SPHKAP: variants seen among roughly 807,000 people sequenced by gnomAD.
SPHKAP encodes A-kinase anchor protein SPHKAP.
A neutral mutation model predicts 137.5 loss-of-function variants in SPHKAP; 67 were observed. The observed-to-expected ratio is 0.49, with a 90% CI of 0.40 to 0.60. The LOEUF (loss-of-function observed/expected upper bound fraction) is 0.60. Among genes scored for constraint, SPHKAP ranks in the 20% least tolerant of loss-of-function variants. SPHKAP has a pLI of 0.00. For missense variants in SPHKAP, 2,097 were observed against 2,069.3 expected, an observed-to-expected ratio of 1.01 and a Z score of -0.26; for synonymous variants, 813 against 785.3, an observed-to-expected ratio of 1.04 and a Z score of -0.59.
intron 3 of SPHKAP, among the ~76,000 whole-genome samples, chr2:228,032,683 C>A (rs1165698757): frequency 6.6e-6 from 1 of 152,192 alleles, no homozygotes; most frequent in Non-Finnish European, 1.5e-5. Flanking sequence ...GATCTCTTGG[C>A]AGAAACTCTA....
At chr2:228,046,431 G>A (rs1322953754) in intron 3 of SPHKAP, among the ~76,000 whole-genome samples, 1 of 151,238 alleles carries the variant, frequency 6.6e-6, no homozygotes, top group Admixed American at 6.6e-5. Context: ...TACGATGCAA[G>A]CAGTAGCTTA....
intron 3 of SPHKAP, among the ~76,000 whole-genome samples, chr2:228,107,543 A>C (rs924999314): frequency 6.6e-6 from 1 of 152,168 alleles, no homozygotes; most frequent in Non-Finnish European, 1.5e-5. Context: ...GACCCCCAAC[A>C]TATACTCTTT....
At chr2:228,109,007 C>CTT (rs11374866) in intron 2 of SPHKAP, 68 bp from the exon 3 acceptor site, 22,373 of 710,918 alleles carry the variant, frequency 0.031, 28 homozygotes, top group East Asian at 0.048. Context: ...AGCTCTCTCT[C>CTT]TTTTTTTTTT....
chr2:228,037,816 G>A (rs764424371), intron 3 of SPHKAP, among the ~76,000 whole-genome samples: 2 of 152,216 alleles, frequency 1.3e-5, no homozygotes, highest in Non-Finnish European at 1.5e-5. Flanking sequence ...TGGGGCCTAT[G>A]CACATTAACA....
At chr2:228,085,429 A>G (rs1242962652) in intron 3 of SPHKAP, among the ~76,000 whole-genome samples, 1 of 152,194 alleles carries the variant, frequency 6.6e-6, no homozygotes, top group Non-Finnish European at 1.5e-5. Flanking sequence ...GGCCAATGAC[A>G]TGATTATGTT....
rs550400092 is a variant in SPHKAP, at chr2:228,054,089, G to A, written c.247-26546C>T. Among the ~76,000 whole-genome samples the A allele has an allele frequency of 5.3e-5, 8 of 152,238 alleles. No homozygotes were observed. In the South Asian group the frequency reaches 8.3e-4, roughly 16 times the overall value. ...AAATGATTGTCTTGGCAGTGATGGGGAAAAAGAGTACAAAGGAAATCATTG... is the reference window on the plus strand; with the variant it reads ...AAATGATTGTCTTGGCAGTGATGGGAAAAAAGAGTACAAAGGAAATCATTG... On this transcript the variant is annotated intron_variant, in intron 3 of 11. Transcript: ENST00000392056.
intron 11 of SPHKAP, among the ~76,000 whole-genome samples, chr2:227,987,123 A>G (rs1222400705): frequency 6.6e-6 from 1 of 152,226 alleles, no homozygotes; most frequent in Non-Finnish European, 1.5e-5. Flanking sequence ...GTTTATCAGA[A>G]TCACATCACT....
At chr2:227,991,615 C>T in intron 9 of SPHKAP, 1 of 985,432 alleles carries the variant, frequency 1.0e-6, no homozygotes, top group Middle Eastern at 5.2e-4. Context: ...TTCTCTTCAA[C>T]CTCCTTACCA....
chr2:228,075,747 C>CT (rs1279539867), intron 3 of SPHKAP, among the ~76,000 whole-genome samples: 1 of 152,098 alleles, frequency 6.6e-6, no homozygotes, highest in African/African-American at 2.4e-5. Flanking sequence ...TCTTAGGACA[C>CT]TTTGAGTAGT....
intron 2 of SPHKAP, among the ~76,000 whole-genome samples, chr2:228,110,900 T>C (rs147393559): frequency 6.6e-6 from 1 of 152,158 alleles, no homozygotes; most frequent in African/African-American, 2.4e-5. Context: ...AATTATTTTG[T>C]CAAATAACAA....
Position 228,016,627 on chromosome 2 carries a change from C to T in SPHKAP, c.4227G>A (p.Gln1409=). 1 of 1,613,718 alleles carries T rather than the reference C, an allele frequency of 6.2e-7. No individual in the cohort carries two copies. Among genetic ancestry groups the T allele is most frequent in the Non-Finnish European group, 8.5e-7 (1 of 1,179,940 alleles). The change falls in exon 7 of 12, where the codon CAG becomes CAA. Residue 1409 remains glutamine, a synonymous_variant. Coordinates refer to ENST00000392056, the MANE Select transcript of SPHKAP (RefSeq NM_001142644.2). ...TTTTGTGGTTTATTGGTACAGGGTC[C>T]TGGCACGAGGAAGTTTCTTTTTTAG... is the stretch of plus-strand genomic sequence containing the variant. The part of the protein sequence containing the change: ...LDSKKETSSC[Q]DPVPINHKRR...
At chr2:228,002,243 C>A (rs1693936266) in intron 7 of SPHKAP, among the ~76,000 whole-genome samples, 1 of 152,106 alleles carries the variant, frequency 6.6e-6, no homozygotes, top group Non-Finnish European at 1.5e-5. Context: ...TGTTTCCTGA[C>A]TTTTTAATGA....
intron 3 of SPHKAP, among the ~76,000 whole-genome samples, chr2:228,035,622 C>A (rs1453808625): frequency 1.3e-5 from 2 of 152,224 alleles, no homozygotes; most frequent in East Asian, 3.8e-4. Flanking sequence ...CACTGCCTGA[C>A]TTCAAACTTT....
chr2:227,993,971 T>C, intron 8 of SPHKAP: 1 of 824,530 alleles, frequency 1.2e-6, no homozygotes, highest in Non-Finnish European at 1.5e-6. Flanking sequence ...TATTTATCTA[T>C]CGGCAAGAGA....
chr2:228,072,762 C>T (rs573405825), intron 3 of SPHKAP, among the ~76,000 whole-genome samples: 1 of 152,318 alleles, frequency 6.6e-6, no homozygotes, highest in South Asian at 2.1e-4. Flanking sequence ...CACAAAGAGA[C>T]AGAGAGAGAT....
chr2:227,983,479 T>C (rs974446886), intron 11 of SPHKAP, among the ~76,000 whole-genome samples: 9 of 152,170 alleles, frequency 5.9e-5, no homozygotes, highest in African/African-American at 2.2e-4. Context: ...ATGGCAACCA[T>C]AGACAGCAAT....
chr2:228,082,157 C>G (rs1266105622), intron 3 of SPHKAP, among the ~76,000 whole-genome samples: 1 of 152,188 alleles, frequency 6.6e-6, no homozygotes, highest in African/African-American at 2.4e-5. Flanking sequence ...ATTTTGCCAG[C>G]TGCTTTTCTA....
At chr2:228,123,243 C>T (rs556643145) in intron 2 of SPHKAP, among the ~76,000 whole-genome samples, 9 of 152,254 alleles carry the variant, frequency 5.9e-5, no homozygotes, top group African/African-American at 2.2e-4. Flanking sequence ...AAAATATCCC[C>T]ATTTCTTCAA....
At chr2:227,981,959 G>C (rs1693012001) in intron 11 of SPHKAP, 99 bp from the exon 12 acceptor site, 2 of 1,430,616 alleles carry the variant, frequency 1.4e-6, no homozygotes, top group African/African-American at 1.5e-5. Flanking sequence ...TCCAGTCTCT[G>C]TTTAAATGTC....
Sources: gnomAD v4.1 joint callset for allele counts (sites outside exome capture counted in the v4.1 genomes callset) on GRCh38, gnomAD v4.1.1 for gene constraint, MANE v1.5 for transcripts, NCBI Gene and HGNC (gene_info 2026-07-23, HGNC 2026-07-21) for gene names.